Variants in PRKG1 observed in about 807,000 individuals in gnomAD.
PRKG1 encodes cGMP-dependent protein kinase 1.
PRKG1 carries 35 observed loss-of-function variants against 88.1 expected under a neutral mutation model. That is an observed-to-expected ratio of 0.40 (90% CI 0.30 to 0.53). The LOEUF is 0.53. Ranked by LOEUF, PRKG1 falls within the 20% of genes least tolerant of loss-of-function variation. The pLI is 0.59. For missense variants in PRKG1, 540 were observed against 839.8 expected (o/e 0.64, Z 4.41); for synonymous variants, 303 against 292.5 (o/e 1.04, Z -0.37).
At chr10:51,346,927 G>T in intron 2 of PRKG1, among the ~76,000 whole-genome samples, 1 of 152,044 alleles carries the variant, frequency 6.6e-6, no homozygotes. Context: ...ACCTTACTCA[G>T]TAACAAATTT....
At chr10:52,158,190 G>T (rs1348202731) in intron 8 of PRKG1, among the ~76,000 whole-genome samples, 1 of 151,530 alleles carries the variant, frequency 6.6e-6, no homozygotes, top group African/African-American at 2.4e-5. Flanking sequence ...ATAATTTAAT[G>T]ATTTTTCTGT....
At chr10:52,011,754 C>A (rs888549724) in intron 5 of PRKG1, among the ~76,000 whole-genome samples, 1 of 152,184 alleles carries the variant, frequency 6.6e-6, no homozygotes, top group South Asian at 2.1e-4. Context: ...TGTGTCCCCA[C>A]CCAAATTGCA....
intron 5 of PRKG1, among the ~76,000 whole-genome samples, chr10:52,025,756 A>G (rs2133200486): frequency 6.6e-6 from 1 of 151,704 alleles, no homozygotes; most frequent in Admixed American, 6.6e-5. Context: ...GAAGTCAGGT[A>G]GAGTGATGCC....
chr10:51,114,131 C>G (rs888417104), intron 1 of PRKG1, among the ~76,000 whole-genome samples: 2 of 152,098 alleles, frequency 1.3e-5, no homozygotes, highest in Non-Finnish European at 2.9e-5. Flanking sequence ...TCCTTGTTGT[C>G]TTTCAACGTG....
At chr10:52,140,775 C>T (rs1425275134) in intron 8 of PRKG1, among the ~76,000 whole-genome samples, 1 of 151,384 alleles carries the variant, frequency 6.6e-6, no homozygotes, top group Non-Finnish European at 1.5e-5. Context: ...ACTCTAAGAT[C>T]ACCAACTAGG....
At chr10:51,781,567 CT>C (rs1838589703) in intron 3 of PRKG1, among the ~76,000 whole-genome samples, 1 of 152,098 alleles carries the variant, frequency 6.6e-6, no homozygotes, top group Non-Finnish European at 1.5e-5. Context: ...TCTGAAAAAT[CT>C]TTTTATACTG....
chr10:52,267,271 C>A (rs1589746348), intron 10 of PRKG1, among the ~76,000 whole-genome samples: 1 of 151,958 alleles, frequency 6.6e-6, no homozygotes, highest in African/African-American at 2.4e-5. Context: ...ATTTTTGTGG[C>A]CAGCCCTGTA....
intron 4 of PRKG1, among the ~76,000 whole-genome samples, chr10:51,859,343 C>G (rs1225135184): frequency 6.6e-6 from 1 of 150,822 alleles, no homozygotes; most frequent in Non-Finnish European, 1.5e-5. Context: ...CACCTTAAGC[C>G]TTTTTCTTTC....
chr10:52,138,983 A>G (rs778870214), intron 8 of PRKG1, among the ~76,000 whole-genome samples: 4 of 152,144 alleles, frequency 2.6e-5, no homozygotes, highest in Non-Finnish European at 4.4e-5. Flanking sequence ...TATATTACTG[A>G]AGAGGATTAG....
chr10:51,105,702 A>G (rs1844816822), intron 1 of PRKG1, among the ~76,000 whole-genome samples: 1 of 147,478 alleles, frequency 6.8e-6, no homozygotes, highest in Non-Finnish European at 1.5e-5. Context: ...TTTTCCTTTT[A>G]TTTATAAAAA....
chr10:51,507,361 A>G (rs1841251252), intron 3 of PRKG1, among the ~76,000 whole-genome samples: 1 of 152,056 alleles, frequency 6.6e-6, no homozygotes, highest in Non-Finnish European at 1.5e-5. Flanking sequence ...AAGATATGTC[A>G]GGTCTTTTTC....
intron 4 of PRKG1, among the ~76,000 whole-genome samples, chr10:51,817,706 A>G (rs1380575881): frequency 6.6e-6 from 1 of 152,182 alleles, no homozygotes; most frequent in Admixed American, 6.5e-5. Flanking sequence ...TGTCTGGATA[A>G]AAATATGACA....
At chr10:51,955,993 G>A (rs978866960) in intron 5 of PRKG1, among the ~76,000 whole-genome samples, 6 of 152,034 alleles carry the variant, frequency 3.9e-5, no homozygotes, top group Non-Finnish European at 7.4e-5. Flanking sequence ...TGTTTAAGGG[G>A]AAAAAGATTG....
intron 3 of PRKG1, among the ~76,000 whole-genome samples, chr10:51,796,304 G>T (rs1016829230): frequency 6.6e-6 from 1 of 151,974 alleles, no homozygotes; most frequent in African/African-American, 2.4e-5. Flanking sequence ...AACGTAAAGA[G>T]AAGCAAGTAT....
chr10:51,335,090 CA>C (rs1377903524), intron 2 of PRKG1, among the ~76,000 whole-genome samples: 2 of 141,166 alleles, frequency 1.4e-5, no homozygotes, highest in Non-Finnish European at 3.0e-5. Context: ...CGGCTCACTG[CA>C]AAGCTCCACC....
intron 9 of PRKG1, among the ~76,000 whole-genome samples, chr10:52,250,220 G>T (rs1841138710): frequency 6.6e-6 from 1 of 152,180 alleles, no homozygotes; most frequent in South Asian, 2.1e-4. Context: ...ACACCATTAG[G>T]ATGGACTAGC....
At chr10:51,709,883 C>G (rs866946505) in intron 3 of PRKG1, among the ~76,000 whole-genome samples, 5 of 152,136 alleles carry the variant, frequency 3.3e-5, no homozygotes, top group African/African-American at 1.2e-4. Context: ...TGCATCCCCA[C>G]CAGGAAGGAA....
chr10:52,034,988 T>G (rs1011549486), intron 5 of PRKG1, among the ~76,000 whole-genome samples: 12 of 152,190 alleles, frequency 7.9e-5, no homozygotes, highest in African/African-American at 2.9e-4. Flanking sequence ...TTTAGTCCAT[T>G]CTACTTTTCT....
At chr10:51,152,140 C>A (rs1846088476) in intron 1 of PRKG1, among the ~76,000 whole-genome samples, 1 of 152,006 alleles carries the variant, frequency 6.6e-6, no homozygotes, top group South Asian at 2.1e-4. Context: ...TTTGATTTTG[C>A]ATTCTTAGAA....
Sources: gnomAD v4.1 joint callset for allele counts (sites outside exome capture counted in the v4.1 genomes callset) on GRCh38, gnomAD v4.1.1 for gene constraint, MANE v1.5 for transcripts, NCBI Gene and HGNC (gene_info 2026-07-23, HGNC 2026-07-21) for gene names.